DPP10: variants seen among roughly 807,000 people sequenced by gnomAD.
DPP10 encodes the protein dipeptidyl peptidase like 10.
DPP10 carries 33 observed loss-of-function variants against 120.9 expected under a neutral mutation model. The ratio of observed to expected loss-of-function variants is 0.27; its 90% CI spans 0.21 to 0.37. The LOEUF (loss-of-function observed/expected upper bound fraction) is 0.37, where lower values mean the gene tolerates loss of function less well. Ranked by LOEUF, DPP10 falls within the 10% of genes least tolerant of loss-of-function variation. The probability of loss-of-function intolerance (pLI) is 1.00; values close to 1 mark genes in which losing one functional copy is unlikely to be tolerated. For synonymous variants in DPP10, 337 were observed against 326.1 expected, an observed-to-expected ratio of 1.03 and a Z score of -0.36; for missense variants, 816 against 942.8, an observed-to-expected ratio of 0.87 and a Z score of 1.76.
At chr2:115,064,562 C>A in intron 1 of DPP10, 1 of 966,472 alleles carries the variant, frequency 1.0e-6, no homozygotes, top group Non-Finnish European at 1.4e-6. Flanking sequence ...CCCCACCACC[C>A]ACCCCTACAC....
At chr2:115,316,184 A>G (rs926573639) in intron 2 of DPP10, among the ~76,000 whole-genome samples, 11 of 152,162 alleles carry the variant, frequency 7.2e-5, no homozygotes, top group African/African-American at 2.2e-4. Context: ...CATAGATACT[A>G]TTCATTTATT....
intron 1 of DPP10, among the ~76,000 whole-genome samples, chr2:114,862,736 AT>A (rs961107810): frequency 5.9e-5 from 9 of 152,214 alleles, no homozygotes; most frequent in African/African-American, 2.2e-4. Context: ...GCTGAAGATT[AT>A]TTAAATAGAA....
intron 5 of DPP10, among the ~76,000 whole-genome samples, chr2:115,617,269 T>TTTATATATATATATATATATA (rs1558931363): frequency 5.9e-5 from 1 of 16,918 alleles, no homozygotes; most frequent in Non-Finnish European, 1.5e-4. Context: ...ATATATATAT[T>TTTATATATATATATATATATA]TTTTATATAT....
At chr2:115,087,542 T>TC (rs1405551554) in intron 1 of DPP10, among the ~76,000 whole-genome samples, 27 of 141,838 alleles carry the variant, frequency 1.9e-4, no homozygotes, top group Admixed American at 5.6e-4. Context: ...TCTTTTCTTT[T>TC]TTTTTTTTTT....
intron 19 of DPP10, among the ~76,000 whole-genome samples, chr2:115,800,982 G>A (rs1043236572): frequency 7.9e-5 from 12 of 152,284 alleles, no homozygotes; most frequent in African/African-American, 2.6e-4. Flanking sequence ...AAAGTCATTG[G>A]TAGCTTGATG....
chr2:115,302,228 A>G (rs113409253), intron 1 of DPP10, among the ~76,000 whole-genome samples: 45 of 152,062 alleles, frequency 3.0e-4, no homozygotes, highest in African/African-American at 1.0e-3. Context: ...GTCATCCACC[A>G]GGCCCCTTCT....
chr2:115,413,004 A>G (rs1363858759), intron 3 of DPP10, among the ~76,000 whole-genome samples: 1 of 152,108 alleles, frequency 6.6e-6, no homozygotes, highest in Admixed American at 6.6e-5. Flanking sequence ...GTGTTCTACC[A>G]CATGTGATTT....
chr2:115,564,410 C>T (rs1027741701), intron 5 of DPP10, among the ~76,000 whole-genome samples: 1 of 152,056 alleles, frequency 6.6e-6, no homozygotes, highest in Admixed American at 6.5e-5. Flanking sequence ...ATTTGGAAGT[C>T]TATTTTTCAC....
intron 2 of DPP10, among the ~76,000 whole-genome samples, chr2:115,331,247 G>A (rs188411384): frequency 0.01 from 1,565 of 152,236 alleles, 24 homozygotes; most frequent in African/African-American, 0.036. Context: ...GTATAAGAAT[G>A]CTTGTGATTT....
chr2:115,032,604 G>A (rs1703913650), intron 1 of DPP10, among the ~76,000 whole-genome samples: 1 of 152,052 alleles, frequency 6.6e-6, no homozygotes, highest in Admixed American at 6.5e-5. Context: ...TCATTGGCCG[G>A]GTGTGGTGGC....
chr2:114,619,159 T>G (rs1451715649), intron 1 of DPP10, among the ~76,000 whole-genome samples: 2 of 151,984 alleles, frequency 1.3e-5, no homozygotes, highest in African/African-American at 4.8e-5. Context: ...TTGGGAACAG[T>G]ATGGATTATG....
rs146915999 is a variant in DPP10, at chr2:114,525,329, G to A, written c.60+82491G>A. ...ATGTAAAATACACATTTGGTAAAGA[G>A]GCCCTCTTCAGTACACTTGAGTCAC... On this transcript the variant is annotated intron_variant, in intron 1 of 25. Coordinates refer to ENST00000410059, the MANE Select transcript of DPP10 (RefSeq NM_020868.6). Among the ~76,000 whole-genome samples the A allele has an allele frequency of 4.5e-4, 69 of 152,266 alleles. 1 individual carries two copies. The highest frequency in any genetic ancestry group is 7.5e-4 in the Non-Finnish European group (51 of 68,024).
chr2:115,817,658 AGTAGTAAAG>A (rs1251169142), intron 21 of DPP10, among the ~76,000 whole-genome samples: 1 of 147,648 alleles, frequency 6.8e-6, no homozygotes, highest in Non-Finnish European at 1.5e-5. Flanking sequence ...GTGCATCCCT[AGTAGTAAAG>A]GTTAGTTTTT....
At chr2:115,684,971 C>T (rs939564657) in intron 5 of DPP10, among the ~76,000 whole-genome samples, 9 of 152,032 alleles carry the variant, frequency 5.9e-5, no homozygotes, top group Admixed American at 6.6e-5. Flanking sequence ...AGTCGTGCTT[C>T]ATGTACTAGC....
Position 115,013,363 on chromosome 2 carries a change from C to T in DPP10, c.61-295876C>T, listed in dbSNP as rs539299819. On this transcript the variant is annotated intron_variant, in intron 1 of 25. Coordinates refer to ENST00000410059, the MANE Select transcript of DPP10 (RefSeq NM_020868.6). ...CTTGTAGGGTTTCTGCAGAGATATC[C>T]ACTGTAGTCTGATGGGCTTCCATTT... 1.7e-4 allele frequency among the ~76,000 whole-genome samples: 26 copies of T among 152,208 alleles called. No homozygotes were observed. The South Asian group carries it at 3.5e-3, about 21-fold the overall frequency.
At chr2:114,875,951 C>A (rs543478169) in intron 1 of DPP10, among the ~76,000 whole-genome samples, 1 of 152,042 alleles carries the variant, frequency 6.6e-6, no homozygotes, top group African/African-American at 2.4e-5. Flanking sequence ...TTCAGACATT[C>A]CAATATATTT....
chr2:114,779,040 C>A (rs1384412220), intron 1 of DPP10, among the ~76,000 whole-genome samples: 1 of 152,076 alleles, frequency 6.6e-6, no homozygotes, highest in Admixed American at 6.5e-5. Flanking sequence ...TTAAGCTTTA[C>A]ATGCCTGGGC....
At chr2:114,616,251 T>C (rs186903130) in intron 1 of DPP10, among the ~76,000 whole-genome samples, 11 of 152,158 alleles carry the variant, frequency 7.2e-5, no homozygotes, top group Admixed American at 6.6e-4. Context: ...ATTGACAGAG[T>C]GTGCATCCGT....
intron 1 of DPP10, among the ~76,000 whole-genome samples, chr2:114,732,989 T>A (rs1388701394): frequency 2.0e-5 from 3 of 152,128 alleles, no homozygotes; most frequent in Admixed American, 6.5e-5. Flanking sequence ...CTGCACCCAC[T>A]GCTGCCTTCA....
Sources: allele counts gnomAD v4.1 joint callset (sites outside exome capture counted in the v4.1 genomes callset), GRCh38; gene constraint gnomAD v4.1.1; transcripts MANE v1.5; gene names NCBI Gene and HGNC (gene_info 2026-07-23, HGNC 2026-07-21).